Variants in CNOT10 observed in about 807,000 individuals in gnomAD.
The protein encoded by CNOT10 is CCR4-NOT transcription complex subunit 10.
A neutral mutation model predicts 94.6 loss-of-function variants in CNOT10; 30 were observed. The observed-to-expected ratio is 0.32, with a 90% CI of 0.24 to 0.43. The LOEUF (loss-of-function observed/expected upper bound fraction) is 0.43, where lower values mean the gene tolerates loss of function less well. CNOT10 is among the 20% of genes least tolerant of loss of function. The probability of loss-of-function intolerance (pLI) is 1.00; values close to 1 mark genes in which losing one functional copy is unlikely to be tolerated. For synonymous variants in CNOT10, 289 were observed against 301.6 expected, an observed-to-expected ratio of 0.96 and a Z score of 0.43; for missense variants, 759 against 877.2, an observed-to-expected ratio of 0.87 and a Z score of 1.70.
chr3:32,733,350 A>C (rs985362971), intron 10 of CNOT10, 73 bp from the exon 11 acceptor site: 17 of 1,153,050 alleles, frequency 1.5e-5, no homozygotes, highest in Non-Finnish European at 2.0e-5. Context: ...TAATTGTGAG[A>C]GATATTCCCT....
chr3:32,695,617 T>C, intron 1 of CNOT10: 1 of 1,535,542 alleles, frequency 6.5e-7, no homozygotes, highest in Non-Finnish European at 8.7e-7. Flanking sequence ...GGCAATTGTT[T>C]ATTTAGAAAT....
intron 13 of CNOT10, among the ~76,000 whole-genome samples, chr3:32,737,839 T>C (rs1160717617): frequency 6.6e-6 from 1 of 152,130 alleles, no homozygotes; most frequent in Non-Finnish European, 1.5e-5. Context: ...TTTTATCTTG[T>C]TGATACTGTT....
intron 3 of CNOT10, 36 bp from the exon 4 acceptor site, chr3:32,708,634 A>T: frequency 6.4e-7 from 1 of 1,559,908 alleles, no homozygotes; most frequent in Middle Eastern, 2.0e-4. Context: ...TTATTTCCTT[A>T]ATGTTAAAAT....
chr3:32,724,012 C>G (rs1286984388), intron 8 of CNOT10, among the ~76,000 whole-genome samples: 1 of 151,884 alleles, frequency 6.6e-6, no homozygotes, highest in South Asian at 2.1e-4. Flanking sequence ...CCCAGGAGGT[C>G]GATGCTGCAG....
At chr3:32,753,842 G>C in intron 13 of CNOT10, 1 of 1,534,236 alleles carries the variant, frequency 6.5e-7, no homozygotes. Context: ...CAGCTGGTCT[G>C]ATGTAGGTAA....
intron 13 of CNOT10, 29 bp from the exon 14 acceptor site, chr3:32,759,428 AT>A: frequency 1.4e-6 from 2 of 1,471,420 alleles, no homozygotes; most frequent in Non-Finnish European, 1.9e-6. Context: ...TTAAAATGAG[AT>A]TTTCGGCCCC....
At chr3:32,729,831 G>T (rs1434635766) in intron 10 of CNOT10, among the ~76,000 whole-genome samples, 2 of 142,500 alleles carry the variant, frequency 1.4e-5, no homozygotes, top group South Asian at 2.2e-4. Flanking sequence ...TGCAGTGGCG[G>T]GATCTCGGCT....
At chr3:32,724,653 C>T (rs185604167) in intron 8 of CNOT10, among the ~76,000 whole-genome samples, 2 of 152,084 alleles carry the variant, frequency 1.3e-5, no homozygotes, top group East Asian at 1.9e-4. Context: ...ACCTCGTGAT[C>T]CGCCCACCTC....
At chr3:32,733,890 A>C (rs1379879036) in intron 11 of CNOT10, among the ~76,000 whole-genome samples, 1 of 152,174 alleles carries the variant, frequency 6.6e-6, no homozygotes, top group Admixed American at 6.5e-5. Flanking sequence ...GTATTTTCTT[A>C]TAGTCCCTAG....
chr3:32,718,963 A>C (rs1001945216), intron 7 of CNOT10, among the ~76,000 whole-genome samples: 4 of 152,104 alleles, frequency 2.6e-5, no homozygotes, highest in African/African-American at 9.7e-5. Flanking sequence ...AAAAATAAAA[A>C]AATTAGGTCG....
At position 32,773,573 on chromosome 3, in the gene CNOT10, A is replaced by T. The variant is rs1701002411; in HGVS notation, c.2197A>T (p.Ile733Phe). The T allele has an allele frequency of 1.2e-6, 2 of 1,613,870 alleles. No homozygotes were observed. Among genetic ancestry groups the T allele is most frequent in the South Asian group, 2.2e-5 (2 of 91,050 alleles). Residue 733 changes from isoleucine (I) to phenylalanine (F), a missense_variant, in exon 19 of 19, where the codon ATC becomes TTC. Physicochemically the swap from Ile to Phe is conservative, Grantham distance 21. Transcript: ENST00000328834. The part of the protein sequence containing the change: ...VFQPVHPIQP[I>F]QMPAFTTVQR... Reference sequence around the variant, plus strand: ...TCAGCCTGTCCACCCGATCCAGCCCATCCAAATGCCGGCTTTCACCACTGT... The same window carrying T: ...TCAGCCTGTCCACCCGATCCAGCCCTTCCAAATGCCGGCTTTCACCACTGT...
At chr3:32,710,986 G>A (rs1575223331) in intron 4 of CNOT10, among the ~76,000 whole-genome samples, 1 of 152,132 alleles carries the variant, frequency 6.6e-6, no homozygotes, top group African/African-American at 2.4e-5. Context: ...CCAATGTGCT[G>A]GGATTACAGG....
intron 7 of CNOT10, among the ~76,000 whole-genome samples, chr3:32,718,583 C>CAAA (rs368048572): frequency 1.2e-3 from 87 of 73,626 alleles, no homozygotes; most frequent in Middle Eastern, 8.2e-3. Context: ...GACTCATTCT[C>CAAA]AAAAAAAAAA....
intron 5 of CNOT10, among the ~76,000 whole-genome samples, chr3:32,715,023 C>G (rs572587739): frequency 6.6e-6 from 1 of 151,930 alleles, no homozygotes; most frequent in Non-Finnish European, 1.5e-5. Context: ...AGCATTATAC[C>G]GAAACATTGT....
intron 1 of CNOT10, among the ~76,000 whole-genome samples, chr3:32,692,375 T>C (rs1187891843): frequency 6.6e-6 from 1 of 152,160 alleles, no homozygotes; most frequent in Non-Finnish European, 1.5e-5. Flanking sequence ...GGATTACAGG[T>C]GTAAGCCACT....
intron 13 of CNOT10, among the ~76,000 whole-genome samples, chr3:32,743,364 T>A (rs1699555861): frequency 1.3e-5 from 2 of 152,072 alleles, no homozygotes; most frequent in African/African-American, 4.8e-5. Context: ...GTGTGGTGGC[T>A]CACGCCTGTA....
At chr3:32,764,540 A>T in intron 16 of CNOT10, 50 bp downstream of exon 16, 1 of 1,606,228 alleles carries the variant, frequency 6.2e-7, no homozygotes, top group Non-Finnish European at 8.5e-7. Context: ...GCATCCCAAA[A>T]ATTTAGATTC....
intron 5 of CNOT10, chr3:32,715,993 G>C: frequency 2.8e-6 from 1 of 356,816 alleles, no homozygotes; most frequent in East Asian, 4.7e-5. Context: ...TTTTTGTAGA[G>C]ATGCGATTTT....
intron 13 of CNOT10, among the ~76,000 whole-genome samples, chr3:32,738,162 C>T (rs981213164): frequency 3.3e-5 from 5 of 152,040 alleles, no homozygotes; most frequent in African/African-American, 7.2e-5. Flanking sequence ...AGGGGAACAA[C>T]GGGCGCTAAG....
Sources: allele counts gnomAD v4.1 joint callset (sites outside exome capture counted in the v4.1 genomes callset), GRCh38; gene constraint gnomAD v4.1.1; transcripts MANE v1.5; gene names NCBI Gene and HGNC (gene_info 2026-07-23, HGNC 2026-07-21).